NFKBID: variants seen among roughly 807,000 people sequenced by gnomAD.
NFKBID encodes NFKB inhibitor delta.
In NFKBID, 26 loss-of-function variants were observed where a neutral mutation model predicts 53.4. That is an observed-to-expected ratio of 0.49 (90% CI 0.36 to 0.68). The LOEUF (loss-of-function observed/expected upper bound fraction) is 0.68. Ranked by LOEUF, NFKBID falls within the 30% of genes least tolerant of loss-of-function variation. NFKBID has a pLI of 0.00. For synonymous variants in NFKBID, 262 were observed against 259.8 expected, an observed-to-expected ratio of 1.01 and a Z score of -0.08; for missense variants, 493 against 614.1, an observed-to-expected ratio of 0.80 and a Z score of 2.08.
intron 4 of NFKBID, among the ~76,000 whole-genome samples, chr19:35,897,321 C>T (rs931238676): frequency 2.0e-5 from 3 of 151,978 alleles, no homozygotes; most frequent in Non-Finnish European, 4.4e-5. Context: ...GCAGTGCAAT[C>T]TCTACTCACT....
chr19:35,890,119 C>T, intron 10 of NFKBID, 65 bp from the exon 11 acceptor site: 1 of 1,470,184 alleles, frequency 6.8e-7, no homozygotes, highest in Non-Finnish European at 9.2e-7. Context: ...CTAAACTGCA[C>T]TTCAATTTCT....
intron 4 of NFKBID, chr19:35,897,391 AT>A: frequency 1.8e-6 from 1 of 567,030 alleles, no homozygotes; most frequent in South Asian, 2.4e-5. Flanking sequence ...AGTAGCTAGG[AT>A]TACAGGCGTG....
At position 35,896,527 on chromosome 19, in the gene NFKBID, C is replaced by T; in HGVS notation, c.696G>A (p.Leu232=). Residue 232 remains leucine, a synonymous_variant, in exon 7 of 12, where the codon CTG becomes CTA. Coordinates refer to ENST00000641389, the Ensembl canonical transcript of NFKBID. The surrounding 1 kb of genome is among the most constrained non-coding windows in gnomAD (Gnocchi z 5.7). ...GGGGCTGGTTGGCAGCAGCCGCCAC[C>T]AGGAGAGGGGTCTGCAGGCCACAGG... 6.2e-7 allele frequency: 1 copy of T among 1,614,082 alleles called. No individual in the cohort carries two copies. Among genetic ancestry groups the T allele is most frequent in the African/African-American group, 1.3e-5 (1 of 75,042 alleles).
At position 35,896,014 on chromosome 19, in the gene NFKBID, A is replaced by G; in HGVS notation, c.998T>C (p.Met333Thr). The change falls in exon 9 of 12, where the codon ATG becomes ACG. Residue 333 changes from methionine (M) to threonine (T), a missense_variant. By Grantham distance (81) the Met-to-Thr change is moderately conservative. Transcript: ENST00000641389. This position sits in a 1 kb window ranked among gnomAD's most constrained non-coding sequence, Gnocchi z 5.7. The stretch of plus-strand genomic sequence containing the variant: ...GTGATTAGCACCCATTTGCAGCAAC[A>G]TGTGGACACAATCCAGCCTGTCTCG... 2.5e-6 allele frequency: 4 copies of G among 1,614,138 alleles called. No individual in the cohort carries two copies. The highest frequency in any genetic ancestry group is 1.1e-5 in the South Asian group (1 of 91,080).
chr19:35,900,833 T>TTTC (rs1975534593), upstream of NFKBID, among the ~76,000 whole-genome samples: 1 of 139,682 alleles, frequency 7.2e-6, no homozygotes, highest in African/African-American at 2.6e-5. Context: ...TTTTCTTTTT[T>TTTC]TTTTTTTTTT....
chr19:35,900,369 G>A, intron 1 of NFKBID, 73 bp downstream of exon 1: 1 of 1,113,936 alleles, frequency 9.0e-7, no homozygotes, highest in Non-Finnish European at 1.1e-6. Context: ...GTCCCTCAGG[G>A]CCTCGGGAGT....
exon 12 of NFKBID, chr19:35,888,371 A>G (rs1974528747): frequency 3.5e-6 from 2 of 576,478 alleles, no homozygotes; most frequent in Non-Finnish European, 6.2e-6. Context: ...TGGGTAGAAG[A>G]GGGGTATCAC....
Position 35,889,423 on chromosome 19 carries a change from C to T in NFKBID, c.1314+467G>A, listed in dbSNP as rs371528904. 4.9e-4 allele frequency among the ~76,000 whole-genome samples: 74 copies of T among 152,148 alleles called. 1 individual carries two copies. The South Asian group carries it at 0.012, about 24-fold the overall frequency. On this transcript the variant is annotated intron_variant, in intron 11 of 11. Coordinates refer to ENST00000641389, the Ensembl canonical transcript of NFKBID. ...TGGGAAGAAGGTCAAGGCCTGGGTT[C>T]GTACACTGAGAAAGGGTCAGGAAGC...
At chr19:35,897,002 C>T (rs773704562) in exon 5 of NFKBID, 2 of 1,608,334 alleles carry the variant, frequency 1.2e-6, no homozygotes, top group Non-Finnish European at 8.5e-7. Context: ...GTCCAGGGAC[C>T]ACAGCGGGGA....
Position 35,896,929 on chromosome 19 carries a change from C to A in NFKBID, c.562G>T (p.Asp188Tyr). ...TATACTCACGTGTCCCCCTCCTCAT[C>A]CTGGGCCAGCAGCTGCTGTGGCCCC... is the stretch of plus-strand genomic sequence containing the variant. Residue 188 changes from aspartate to tyrosine, a missense_variant, in exon 5 of 12, where the codon GAT becomes TAT. By Grantham distance (160) the Asp-to-Tyr change is radical. This residue lies in a region of NFKBID where 267 missense variants were observed against 384.6 expected (regional missense o/e 0.69). Transcript: ENST00000641389. This position sits in a 1 kb window ranked among gnomAD's most constrained non-coding sequence, Gnocchi z 5.7. 6.2e-7 allele frequency: 1 copy of A among 1,607,270 alleles called. No individual in the cohort carries two copies.
Position 35,897,968 on chromosome 19 carries a change from G to A in NFKBID, c.227-112C>T, listed in dbSNP as rs969267256. The stretch of plus-strand genomic sequence containing the variant: ...AGGTACTGAGAGTTAGTACTTCTGG[G>A]ACACCAAGCTCCCGGGACCTGGATT... On this transcript the variant is annotated intron_variant, in intron 3 of 11. Transcript: ENST00000641389. 4.1e-5 allele frequency: 29 copies of A among 701,710 alleles called. No homozygotes were observed. The Admixed American group carries it at 6.8e-4, about 16-fold the overall frequency. The allele number at this position is 701,710 out of a possible 1,614,324, so 43.5% of individuals were successfully genotyped here.
chr19:35,895,745 G>A (rs1165087023), intron 9 of NFKBID, among the ~76,000 whole-genome samples: 5 of 152,064 alleles, frequency 3.3e-5, no homozygotes, highest in African/African-American at 7.2e-5. Context: ...CAGAGGTTGC[G>A]GTGAGCCAAG....
intron 4 of NFKBID, 100 bp from the exon 5 acceptor site, chr19:35,897,158 A>G: frequency 7.9e-7 from 1 of 1,260,390 alleles, no homozygotes; most frequent in South Asian, 1.4e-5. Context: ...CTCCATCCCA[A>G]GCCACCACAC....
chr19:35,890,147 C>T, intron 10 of NFKBID, 93 bp from the exon 11 acceptor site: 2 of 1,328,504 alleles, frequency 1.5e-6, no homozygotes, highest in Non-Finnish European at 2.1e-6. Flanking sequence ...CTACGTCCTA[C>T]ACTTGTCCTT....
At chr19:35,900,311 ACAC>A (rs1975490131) in intron 1 of NFKBID, 128 bp downstream of exon 1, 5 of 702,288 alleles carry the variant, frequency 7.1e-6, no homozygotes, top group Non-Finnish European at 9.9e-6. Flanking sequence ...CCTCCTCCAA[ACAC>A]CTAGGGCCCT....
At chr19:35,898,617 G>A (rs1975357494) in intron 2 of NFKBID, 85 bp from the exon 3 acceptor site, 2 of 1,401,436 alleles carry the variant, frequency 1.4e-6, no homozygotes, top group Non-Finnish European at 1.9e-6. Flanking sequence ...AAGACATTTC[G>A]GTCAGGACCA....
At chr19:35,897,174 T>A in intron 4 of NFKBID, 116 bp from the exon 5 acceptor site, 1 of 1,095,482 alleles carries the variant, frequency 9.1e-7, no homozygotes, top group Non-Finnish European at 1.3e-6. Context: ...CACACACACA[T>A]CTGCATGCAG....
At chr19:35,894,388 T>A (rs1285006483) in intron 9 of NFKBID, among the ~76,000 whole-genome samples, 3 of 152,176 alleles carry the variant, frequency 2.0e-5, no homozygotes, top group Non-Finnish European at 4.4e-5. Flanking sequence ...TGGGTTCTAA[T>A]TCTCTCTCTG....
At chr19:35,901,500 TCA>T (rs1975564902), upstream of NFKBID, 1 of 152,216 alleles carries the variant, frequency 6.6e-6, no homozygotes, top group African/African-American at 2.4e-5. Context: ...GAGGCCACTC[TCA>T]GTTTCACTTG....
Sources: gnomAD v4.1 joint callset for allele counts (sites outside exome capture counted in the v4.1 genomes callset) on GRCh38, gnomAD v4.1.1 for gene constraint, gnomAD v4.1.1 regional missense constraint, Gnocchi (gnomAD v3.1) non-coding constraint, MANE v1.5 for transcripts, NCBI Gene and HGNC (gene_info 2026-07-23, HGNC 2026-07-21) for gene names.